AGAP1: variants seen among roughly 807,000 people sequenced by gnomAD.
The protein encoded by AGAP1 is arf-GAP with GTPase, ANK repeat and PH domain-containing protein 1.
AGAP1 carries 29 observed loss-of-function variants against 105.3 expected under a neutral mutation model. The ratio of observed to expected loss-of-function variants is 0.28; its 90% CI spans 0.21 to 0.38. The LOEUF is 0.38. Ranked by LOEUF, AGAP1 falls within the 10% of genes least tolerant of loss-of-function variation. The probability of loss-of-function intolerance (pLI) is 1.00; values close to 1 mark genes in which losing one functional copy is unlikely to be tolerated. For synonymous variants in AGAP1, 509 were observed against 485.9 expected, an observed-to-expected ratio of 1.05 and a Z score of -0.63; for missense variants, 998 against 1,165.1, an observed-to-expected ratio of 0.86 and a Z score of 2.09.
At chr2:235,984,784 A>G (rs1253233583) in intron 13 of AGAP1, among the ~76,000 whole-genome samples, 1 of 152,012 alleles carries the variant, frequency 6.6e-6, no homozygotes, top group East Asian at 1.9e-4. Context: ...ACATGATCTC[A>G]TTCCTTTTTA....
rs370383326 is a variant in AGAP1, at chr2:236,124,747, C to G, written c.*625C>G. 2 of 154,470 alleles carry G rather than the reference C, an allele frequency of 1.3e-5. No individual in the cohort carries two copies. Among genetic ancestry groups the G allele is most frequent in the East Asian group, 3.8e-4 (2 of 5,196 alleles). 9.6% of individuals were successfully genotyped at this position (154,470 alleles called of 1,614,324 possible). A position where few individuals can be genotyped will look rare whatever the true frequency, so the allele number is the denominator to read the frequency against. On this transcript the variant is annotated 3_prime_UTR_variant, in exon 18 of 18. Coordinates refer to ENST00000304032, the MANE Select transcript of AGAP1 (RefSeq NM_001037131.3). This position sits in a 1 kb window ranked among gnomAD's most constrained non-coding sequence, Gnocchi z 5.1. ...TTAATAGAACGTGATTAGTCATCGC[C>G]GAGAAGAAAGCATATTAGCCGAGGA...
At chr2:235,644,374 C>G (rs1048457406) in intron 1 of AGAP1, among the ~76,000 whole-genome samples, 1 of 152,176 alleles carries the variant, frequency 6.6e-6, no homozygotes, top group South Asian at 2.1e-4. Flanking sequence ...TCTGCAGGGA[C>G]TCCTGAGAGC....
chr2:236,099,463 AAAG>A (rs1010735461), intron 16 of AGAP1, among the ~76,000 whole-genome samples: 3 of 152,110 alleles, frequency 2.0e-5, no homozygotes, highest in Middle Eastern at 3.4e-3. Context: ...TCAAAAAAAA[AAAG>A]AAAAGAAATA....
intron 16 of AGAP1, among the ~76,000 whole-genome samples, chr2:236,077,858 A>G (rs1428466299): frequency 2.0e-5 from 3 of 152,216 alleles, no homozygotes; most frequent in African/African-American, 4.8e-5. Context: ...GTATTGATCC[A>G]ACATCACTGT....
At chr2:236,099,149 G>T (rs2059275634) in intron 16 of AGAP1, among the ~76,000 whole-genome samples, 1 of 151,960 alleles carries the variant, frequency 6.6e-6, no homozygotes. Context: ...ATATATTTGG[G>T]GAATAAAAAT....
In AGAP1 at chr2:235,739,979, C is replaced by A. The variant is rs1253792939; in HGVS notation, c.311-984C>A. On this transcript the variant is annotated intron_variant, in intron 3 of 17. Coordinates refer to ENST00000304032, the MANE Select transcript of AGAP1 (RefSeq NM_001037131.3). The surrounding 1 kb of genome is among the most constrained non-coding windows in gnomAD (Gnocchi z 5.3). ...TTTAGACAGGGTTTCTGGACGGCAT[C>A]TGCACAGAGGAGCGGAAGACAAGAG... 6.6e-6 allele frequency among the ~76,000 whole-genome samples: 1 copy of A among 152,230 alleles called. No individual in the cohort carries two copies. The highest frequency in any genetic ancestry group is 2.4e-5 in the African/African-American group (1 of 41,460).
chr2:235,820,200 C>A (rs116567966), intron 9 of AGAP1, among the ~76,000 whole-genome samples: 2,369 of 152,216 alleles, frequency 0.016, 47 homozygotes, highest in African/African-American at 0.053. Context: ...GCTAAAATGT[C>A]TTTTCTTCAC....
At chr2:235,676,076 G>GT (rs1366695381) in intron 1 of AGAP1, among the ~76,000 whole-genome samples, 1 of 152,168 alleles carries the variant, frequency 6.6e-6, no homozygotes, top group East Asian at 1.9e-4. Context: ...CATGTTTATG[G>GT]TGTGTTCTGC....
At chr2:235,684,216 T>G (rs1322592865) in intron 1 of AGAP1, among the ~76,000 whole-genome samples, 1 of 152,118 alleles carries the variant, frequency 6.6e-6, no homozygotes, top group Admixed American at 6.5e-5. Flanking sequence ...TAATTTTTTG[T>G]ATTTTGTTTA....
chr2:235,710,099 G>A (rs978533771), intron 2 of AGAP1, among the ~76,000 whole-genome samples: 6 of 152,188 alleles, frequency 3.9e-5, no homozygotes, highest in African/African-American at 1.4e-4. Context: ...TTGCTGTTCT[G>A]CAGACTCCGG....
chr2:235,500,369 C>T (rs762433341), intron 1 of AGAP1, among the ~76,000 whole-genome samples: 8 of 151,994 alleles, frequency 5.3e-5, no homozygotes, highest in Non-Finnish European at 7.4e-5. Context: ...GTTTCTAGTT[C>T]TGTGGGTTTG....
chr2:235,817,615 G>A (rs1012800966), intron 9 of AGAP1, among the ~76,000 whole-genome samples: 1 of 152,144 alleles, frequency 6.6e-6, no homozygotes. Context: ...TTTAGGTTGG[G>A]TGCGGTGCGT....
chr2:236,062,662 GTTTT>G lies in AGAP1; in HGVS notation c.2114+13383_2114+13386del, dbSNP rs547803348. On this transcript the variant is annotated intron_variant, in intron 16 of 17. Transcript: ENST00000304032. The surrounding 1 kb of genome is among the most constrained non-coding windows in gnomAD (Gnocchi z 4.2). ...AGCTATTTTGTTTGTTTGTTTGTTT[GTTTT>G]TGTTTGTTTGTTTGAGATGGAATCT... Among the ~76,000 whole-genome samples the G allele has an allele frequency of 6.7e-6, 1 of 148,150 alleles. No homozygotes were observed.
At chr2:236,068,149 G>A (rs190693497) in intron 16 of AGAP1, among the ~76,000 whole-genome samples, 14 of 152,250 alleles carry the variant, frequency 9.2e-5, no homozygotes, top group Non-Finnish European at 1.6e-4. Context: ...GCATGTGCCT[G>A]TAATCCCAGC....
intron 10 of AGAP1, among the ~76,000 whole-genome samples, chr2:235,894,329 C>T (rs906300822): frequency 6.6e-6 from 1 of 152,206 alleles, no homozygotes; most frequent in African/African-American, 2.4e-5. Flanking sequence ...CCTACACTCA[C>T]ATCCTTGAGT....
intron 10 of AGAP1, among the ~76,000 whole-genome samples, chr2:235,903,236 AT>A (rs1260719058): frequency 1.3e-5 from 2 of 152,258 alleles, no homozygotes; most frequent in East Asian, 3.9e-4. Flanking sequence ...ATTTTCCATT[AT>A]TTTTTTCCAT....
intron 13 of AGAP1, among the ~76,000 whole-genome samples, chr2:236,032,582 A>G (rs1459426494): frequency 2.6e-5 from 4 of 152,186 alleles, no homozygotes; most frequent in Admixed American, 2.6e-4. Context: ...ATGATGGGGA[A>G]GCATTATTAG....
intron 1 of AGAP1, among the ~76,000 whole-genome samples, chr2:235,698,389 C>T (rs1422827580): frequency 2.0e-5 from 3 of 152,162 alleles, no homozygotes; most frequent in African/African-American, 4.8e-5. Flanking sequence ...TATACATCTC[C>T]ACCCAAACTG....
In AGAP1 at chr2:236,038,082, C is replaced by G. The variant is rs1420599609; in HGVS notation, c.1800+1367C>G. On this transcript the variant is annotated intron_variant, in intron 14 of 17. Coordinates refer to ENST00000304032, the MANE Select transcript of AGAP1 (RefSeq NM_001037131.3). This position sits in a 1 kb window ranked among gnomAD's most constrained non-coding sequence, Gnocchi z 4.5. ...TTATTATTATAATGTAATTTGCTTC[C>G]CTTTTTAAAAGATGTTTTATACTCA... is the stretch of plus-strand genomic sequence containing the variant. 6.6e-6 allele frequency among the ~76,000 whole-genome samples: 1 copy of G among 152,162 alleles called. No homozygotes were observed. The highest frequency in any genetic ancestry group is 2.4e-5 in the African/African-American group (1 of 41,430).
Sources: gnomAD v4.1 joint callset for allele counts (sites outside exome capture counted in the v4.1 genomes callset) on GRCh38, gnomAD v4.1.1 for gene constraint, Gnocchi (gnomAD v3.1) non-coding constraint, MANE v1.5 for transcripts, NCBI Gene and HGNC (gene_info 2026-07-23, HGNC 2026-07-21) for gene names.